Variants in FAM193A observed in about 807,000 individuals in gnomAD.
The protein encoded by FAM193A is family with sequence similarity 193 member A.
Under a neutral mutation model 126.5 loss-of-function variants are expected in FAM193A, and 22 were observed. The ratio of observed to expected loss-of-function variants is 0.17; its 90% CI spans 0.12 to 0.25. The LOEUF is 0.25. Among genes scored for constraint, FAM193A ranks in the 10% least tolerant of loss-of-function variants. FAM193A has a pLI of 1.00. For missense variants in FAM193A, 1,675 were observed against 1,672.8 expected (o/e 1.00, Z -0.02); for synonymous variants, 761 against 646.8 (o/e 1.18, Z -2.68).
chr4:2,711,173 C>A (rs892221705), intron 19 of FAM193A, among the ~76,000 whole-genome samples: 3 of 151,510 alleles, frequency 2.0e-5, no homozygotes, highest in African/African-American at 7.3e-5. Context: ...TTTTGTTTTA[C>A]TTTCTTGGGG....
intron 20 of FAM193A, among the ~76,000 whole-genome samples, chr4:2,719,036 T>G (rs1719835302): frequency 6.6e-6 from 1 of 152,208 alleles, no homozygotes; most frequent in Non-Finnish European, 1.5e-5. Flanking sequence ...CCAGTGAATT[T>G]AAATGAGTGA....
chr4:2,665,855 C>CT (rs930247788), intron 12 of FAM193A, among the ~76,000 whole-genome samples: 23 of 151,398 alleles, frequency 1.5e-4, no homozygotes, highest in East Asian at 5.8e-4. Flanking sequence ...GTTTCTTTTT[C>CT]TTTTTTTTTG....
rs779224880 is a variant in FAM193A, at chr4:2,639,806, C to G, written c.1110C>G (p.Val370=). 2 of 1,613,950 alleles carry G rather than the reference C, an allele frequency of 1.2e-6. No homozygotes were observed. Among genetic ancestry groups the G allele is most frequent in the African/African-American group, 1.3e-5 (1 of 74,920 alleles). Residue 370 remains valine (V), a synonymous_variant, in exon 6 of 21, where the codon GTC becomes GTG. Coordinates refer to ENST00000637812, the MANE Select transcript of FAM193A (RefSeq NM_001366318.2). The part of the protein sequence containing the change: ...LHNKHLFENL[V]FSEPLLQSNL... ...ATAAACACCTGTTTGAAAATCTGGT[C>G]TTTTCGGAGCCACTTCTTCAGAGCA...
rs1405111256 is a variant in FAM193A, at chr4:2,593,772, A to C, written c.256-2312A>C. ...CTGTAATTAAAAGGGCAAGCCAGAA[A>C]GGTCTGATGGGTATGGCTGTTCTGC... On this transcript the variant is annotated intron_variant, in intron 1 of 20. Coordinates refer to ENST00000637812, the MANE Select transcript of FAM193A (RefSeq NM_001366318.2). Among the ~76,000 whole-genome samples the C allele has an allele frequency of 4.9e-4, 75 of 152,174 alleles. 1 individual carries two copies. The highest frequency in any genetic ancestry group is 5.9e-5 in the Non-Finnish European group (4 of 68,032).
intron 13 of FAM193A, among the ~76,000 whole-genome samples, chr4:2,674,695 G>T (rs1273209979): frequency 6.6e-6 from 1 of 152,030 alleles, no homozygotes; most frequent in East Asian, 1.9e-4. Flanking sequence ...TTTAGCATGG[G>T]TACTATGAAA....
Position 2,631,070 on chromosome 4 carries a change from G to C in FAM193A, c.939G>C (p.Gln313His). ...AGGTGAAGGCACCATCTGGCCTGCA[G>C]GGCCCGCCGCAAGCGCACCAGTTCA... is the stretch of plus-strand genomic sequence containing the variant. ...AAKVKAPSGL[Q>H]GPPQAHQFIS... The change falls in exon 5 of 21, where the codon CAG becomes CAC. Residue 313 changes from glutamine (Q) to histidine (H), a missense_variant. Gln to His is a conservative substitution (Grantham distance 24). Around this residue, in one of 4 missense-constraint regions of FAM193A, gnomAD observed 1,186 missense variants for 1,109.2 expected, o/e 1.07. Transcript: ENST00000637812. 1 of 1,613,568 alleles carries C rather than the reference G, an allele frequency of 6.2e-7. No homozygotes were observed. The highest frequency in any genetic ancestry group is 8.5e-7 in the Non-Finnish European group (1 of 1,180,004).
chr4:2,644,342 C>T (rs1744926505), intron 6 of FAM193A, among the ~76,000 whole-genome samples: 1 of 152,110 alleles, frequency 6.6e-6, no homozygotes. Context: ...AATGCCGCAT[C>T]CCAACGTTCC....
At chr4:2,586,676 C>G (rs2108888679) in intron 1 of FAM193A, among the ~76,000 whole-genome samples, 1 of 152,298 alleles carries the variant, frequency 6.6e-6, no homozygotes, top group South Asian at 2.1e-4. Flanking sequence ...TTGTTGAGAA[C>G]AGGGTCTTGC....
rs530966902 is a variant in FAM193A, at chr4:2,654,183, ACAAATAAGTATGTATG to A, written c.1312-3619_1312-3604del. ...GTGTAAAATAATTGAGTCTCTGTTCACAAATAAGTATGTATGTATGTGGCAAGAGAGTTGGTAGGTT... is the reference window on the plus strand; with the variant it reads ...GTGTAAAATAATTGAGTCTCTGTTCATATGTGGCAAGAGAGTTGGTAGGTT... On this transcript the variant is annotated intron_variant, in intron 7 of 20. Transcript: ENST00000637812. Among the ~76,000 whole-genome samples, 25 of 152,322 alleles carry A rather than the reference ACAAATAAGTATGTATG, an allele frequency of 1.6e-4. No individual in the cohort carries two copies. In the South Asian group the frequency reaches 5.2e-3, roughly 32 times the overall value.
chr4:2,547,068 C>T (rs750632584), intron 1 of FAM193A, among the ~76,000 whole-genome samples: 5 of 152,122 alleles, frequency 3.3e-5, no homozygotes, highest in African/African-American at 7.2e-5. Flanking sequence ...CAGGTATAAG[C>T]CCTGGCCTAA....
At chr4:2,699,129 A>G (rs1169952833) in intron 18 of FAM193A, among the ~76,000 whole-genome samples, 1 of 152,094 alleles carries the variant, frequency 6.6e-6, no homozygotes, top group Admixed American at 6.5e-5. Context: ...AACTCCTAGG[A>G]TCACAGGTGT....
At chr4:2,580,336 G>A (rs1218252240) in intron 1 of FAM193A, among the ~76,000 whole-genome samples, 1 of 152,184 alleles carries the variant, frequency 6.6e-6, no homozygotes, top group African/African-American at 2.4e-5. Flanking sequence ...AAAGGGTGGA[G>A]GGTGGGAGGA....
chr4:2,626,618 C>G (rs1278015843), intron 4 of FAM193A, 41 bp downstream of exon 4: 1 of 670,426 alleles, frequency 1.5e-6, no homozygotes, highest in Non-Finnish European at 2.8e-6. Flanking sequence ...ATGCAAACCC[C>G]TGCCCTCCCT....
At chr4:2,628,197 A>G (rs1305557746) in intron 4 of FAM193A, among the ~76,000 whole-genome samples, 9 of 152,206 alleles carry the variant, frequency 5.9e-5, no homozygotes, top group South Asian at 2.1e-4. Flanking sequence ...AGTTTTATAA[A>G]CTGATGTTTG....
chr4:2,701,870 G>A (rs990253229), intron 19 of FAM193A, among the ~76,000 whole-genome samples: 2 of 151,228 alleles, frequency 1.3e-5, no homozygotes, highest in African/African-American at 2.4e-5. Flanking sequence ...TCCGCTTCCC[G>A]GGTTCAAGCG....
At chr4:2,731,706 G>A in intron 20 of FAM193A, 69 bp from the exon 21 acceptor site, 3 of 1,213,444 alleles carry the variant, frequency 2.5e-6, no homozygotes, top group Non-Finnish European at 3.7e-6. Flanking sequence ...AGTGTGATGG[G>A]CTTTGCCAAG....
chr4:2,729,291 C>T (rs1336857206), intron 20 of FAM193A, among the ~76,000 whole-genome samples: 2 of 152,004 alleles, frequency 1.3e-5, no homozygotes, highest in Non-Finnish European at 2.9e-5. Context: ...GGTGAGCATG[C>T]GCATGCTCCA....
rs149322507 is a variant in FAM193A at position 2,709,502 on chromosome 4, C to T, written c.4373-6521C>T. Among the ~76,000 whole-genome samples the T allele has an allele frequency of 3.8e-3, 585 of 152,144 alleles. 4 individuals are homozygous for T. The highest frequency in any genetic ancestry group is 0.014 in the African/African-American group (567 of 41,506). On this transcript the variant is annotated intron_variant, in intron 19 of 20. Transcript: ENST00000637812. ...GAGGGGTGCGGATCACGAGGTCAGG[C>T]GTTCGAGACAAGCCTGGCCAACATG...
chr4:2,591,593 A>G lies in FAM193A; in HGVS notation c.256-4491A>G, dbSNP rs562587381. ...GGTTGTGCTGCTGTTACCCGAGAGGATATTGCTTTTACTGTGTTTTTACCC... is the reference window on the plus strand; with the variant it reads ...GGTTGTGCTGCTGTTACCCGAGAGGGTATTGCTTTTACTGTGTTTTTACCC... On this transcript the variant is annotated intron_variant, in intron 1 of 20. Coordinates refer to ENST00000637812, the MANE Select transcript of FAM193A (RefSeq NM_001366318.2). Among the ~76,000 whole-genome samples the G allele has an allele frequency of 2.7e-4, 41 of 152,144 alleles. 1 individual carries two copies. The highest frequency in any genetic ancestry group is 8.9e-4 in the African/African-American group (37 of 41,488).
Sources: gnomAD v4.1 joint callset for allele counts (sites outside exome capture counted in the v4.1 genomes callset) on GRCh38, gnomAD v4.1.1 for gene constraint, gnomAD v4.1.1 regional missense constraint, MANE v1.5 for transcripts, NCBI Gene and HGNC (gene_info 2026-07-23, HGNC 2026-07-21) for gene names.